SHLD2: variants seen among roughly 807,000 people sequenced by gnomAD.
SHLD2 encodes the protein RINN1-REV7-interacting novel NHEJ regulator 2.
A neutral mutation model predicts 73.2 loss-of-function variants in SHLD2; 30 were observed. The ratio of observed to expected loss-of-function variants is 0.41; its 90% CI spans 0.31 to 0.56. The LOEUF (loss-of-function observed/expected upper bound fraction) is 0.56. Among genes scored for constraint, SHLD2 ranks in the 20% least tolerant of loss-of-function variants. SHLD2 has a pLI of 0.28. For missense variants in SHLD2, 745 were observed against 1,055.9 expected (o/e 0.71, Z 4.08); for synonymous variants, 285 against 370.1 (o/e 0.77, Z 2.64).
intron 2 of SHLD2, among the ~76,000 whole-genome samples, chr10:87,139,033 G>T (rs1402706661): frequency 6.6e-6 from 1 of 152,244 alleles, no homozygotes; most frequent in Non-Finnish European, 1.5e-5. Flanking sequence ...GAGAATCTTT[G>T]ATTGGACACT....
chr10:87,106,162 GCTGA>G, intron 2 of SHLD2, among the ~76,000 whole-genome samples: 1 of 152,054 alleles, frequency 6.6e-6, no homozygotes, highest in Non-Finnish European at 1.5e-5. Flanking sequence ...TGCTACCATG[GCTGA>G]CTAATTTTTT....
intron 8 of SHLD2, among the ~76,000 whole-genome samples, 174 bp from the exon 9 acceptor site, chr10:87,186,911 A>G (rs201516238): frequency 8.1e-5 from 12 of 147,304 alleles, no homozygotes; most frequent in East Asian, 7.9e-4. Context: ...GCTCTTGGGG[A>G]AAAAAAAAAA....
chr10:87,151,762 A>G lies in SHLD2; in HGVS notation c.408A>G (p.Glu136=), dbSNP rs762523029. The change falls in exon 3 of 10, where the codon GAA becomes GAG. Residue 136 remains glutamate (E), a synonymous_variant. Transcript: ENST00000298786. Reference sequence around the variant, plus strand: ...CAGTTCCGCATTTCACCGAAGAAGAAAAGTATCAAAAGCTTCTCAGTGAAA... The same window carrying G: ...CAGTTCCGCATTTCACCGAAGAAGAGAAGTATCAAAAGCTTCTCAGTGAAA... ...KSTVPHFTEE[E]KYQKLLSENK... 2.5e-6 allele frequency: 4 copies of G among 1,612,024 alleles called. No homozygotes were observed. The South Asian group carries it at 4.4e-5, about 18-fold the overall frequency.
chr10:87,184,090 A>C (rs1286992979), intron 8 of SHLD2, among the ~76,000 whole-genome samples: 1 of 151,924 alleles, frequency 6.6e-6, no homozygotes, highest in Non-Finnish European at 1.5e-5. Context: ...TCCTAACCAC[A>C]CTCAAATCTA....
At chr10:87,170,426 A>C (rs1203275015) in intron 4 of SHLD2, 52 bp from the exon 5 acceptor site, 15 of 1,233,318 alleles carry the variant, frequency 1.2e-5, no homozygotes, top group Non-Finnish European at 1.7e-5. Flanking sequence ...ATTTGTGAAG[A>C]AAAATATAAT....
intron 4 of SHLD2, among the ~76,000 whole-genome samples, chr10:87,165,032 G>GA (rs1451409674): frequency 2.0e-5 from 3 of 151,876 alleles, no homozygotes; most frequent in Non-Finnish European, 4.4e-5. Flanking sequence ...ACAAAAAATA[G>GA]AAAAATTAAC....
At chr10:87,162,839 A>G (rs1371006950) in intron 4 of SHLD2, among the ~76,000 whole-genome samples, 2 of 152,218 alleles carry the variant, frequency 1.3e-5, no homozygotes, top group Admixed American at 6.5e-5. Flanking sequence ...TGTTGGCGCA[A>G]CTGTGAGGTA....
intron 2 of SHLD2, among the ~76,000 whole-genome samples, chr10:87,109,953 C>G (rs566826048): frequency 1.3e-5 from 2 of 152,290 alleles, no homozygotes; most frequent in South Asian, 4.1e-4. Context: ...TATGTTACTA[C>G]ATTTTACAAA....
In SHLD2 at chr10:87,151,672, G is replaced by T; in HGVS notation, c.318G>T (p.Lys106Asn). The stretch of plus-strand genomic sequence containing the variant: ...AAACACAGAATATAGAATCCCAGAA[G>T]ATTCACTCCTCTAGACTGAGTGATA... ...VSETQNIESQKIHSSRLSDIT... is the reference protein window; with the variant it reads ...VSETQNIESQNIHSSRLSDIT... The change falls in exon 3 of 10, where the codon AAG becomes AAT. Residue 106 changes from lysine (K) to asparagine (N), a missense_variant. Coordinates refer to ENST00000298786, the MANE Select transcript of SHLD2 (RefSeq NM_001330112.2). 1 of 1,611,712 alleles carries T rather than the reference G, an allele frequency of 6.2e-7. No individual in the cohort carries two copies.
chr10:87,142,381 G>A (rs984915075), intron 2 of SHLD2, among the ~76,000 whole-genome samples: 4 of 152,232 alleles, frequency 2.6e-5, no homozygotes, highest in African/African-American at 9.6e-5. Flanking sequence ...CAGAGAGTCA[G>A]TGTGGTAGTT....
At chr10:87,188,631 T>C (rs1242718389) in intron 9 of SHLD2, among the ~76,000 whole-genome samples, 1 of 152,160 alleles carries the variant, frequency 6.6e-6, no homozygotes, top group Non-Finnish European at 1.5e-5. Context: ...TTGCAATTAA[T>C]TTATTAATAA....
rs2134334817 is a variant in SHLD2, at chr10:87,152,835, T to G, written c.1481T>G (p.Phe494Cys). The change falls in exon 3 of 10, where the codon TTT (phenylalanine) becomes TGT (cysteine). Residue 494 changes from phenylalanine (F) to cysteine (C), a missense_variant. By Grantham distance (205) the Phe-to-Cys change is radical (BLOSUM62 -2). Around this residue, in one of 5 missense-constraint regions of SHLD2, gnomAD observed 418 missense variants for 567.8 expected, o/e 0.74. Coordinates refer to ENST00000298786, the MANE Select transcript of SHLD2 (RefSeq NM_001330112.2). ...KKVFLWRTAA[F>C]WAFTVFLGDI... ...GTTTTTCTGTGGAGGACTGCAGCAT[T>G]TTGGGCATTTACAGTGTTTCTTGGA... 1.2e-6 allele frequency: 2 copies of G among 1,611,810 alleles called. No homozygotes were observed. The highest frequency in any genetic ancestry group is 4.5e-5 in the East Asian group (2 of 44,858).
At chr10:87,121,479 A>G (rs12356150) in intron 2 of SHLD2, among the ~76,000 whole-genome samples, 7,816 of 133,720 alleles carry the variant, frequency 0.058, 365 homozygotes, top group African/African-American at 0.15. Flanking sequence ...TGCTTAACCT[A>G]TCCATAAATA....
At position 87,190,470 on chromosome 10, in the gene SHLD2, T is replaced by C. The variant is rs1299486235; in HGVS notation, c.2516-14T>C. On this transcript the variant is annotated splice_polypyrimidine_tract_variant and intron_variant, in intron 9 of 9. Coordinates refer to ENST00000298786, the MANE Select transcript of SHLD2 (RefSeq NM_001330112.2). The stretch of plus-strand genomic sequence containing the variant: ...GCAGCGATCTTGGGAGCTCTGTGTT[T>C]TTGTCTTTTGCAGTTCCTTCCTCAG... The C allele has an allele frequency of 2.5e-6, 4 of 1,610,656 alleles. No individual in the cohort carries two copies. The highest frequency in any genetic ancestry group is 3.4e-6 in the Non-Finnish European group (4 of 1,178,750).
At chr10:87,122,747 A>G (rs887018680) in intron 2 of SHLD2, among the ~76,000 whole-genome samples, 2 of 152,162 alleles carry the variant, frequency 1.3e-5, no homozygotes, top group Non-Finnish European at 2.9e-5. Flanking sequence ...CAAGTTAACA[A>G]TAAGGTGTTT....
At chr10:87,103,171 C>A (rs928162227) in intron 2 of SHLD2, among the ~76,000 whole-genome samples, 7 of 151,992 alleles carry the variant, frequency 4.6e-5, no homozygotes, top group Admixed American at 1.3e-4. Flanking sequence ...GATCTCACCA[C>A]TGCACTCCAG....
intron 2 of SHLD2, among the ~76,000 whole-genome samples, chr10:87,118,897 T>G (rs991658391): frequency 6.6e-6 from 1 of 152,256 alleles, no homozygotes; most frequent in African/African-American, 2.4e-5. Context: ...GCTGTGGCCT[T>G]AGAAAACCTA....
intron 2 of SHLD2, among the ~76,000 whole-genome samples, chr10:87,116,500 C>CAAT (rs1408369128): frequency 6.6e-6 from 1 of 151,714 alleles, no homozygotes; most frequent in Non-Finnish European, 1.5e-5. Context: ...AATAAAGGAA[C>CAAT]AATAGATGGT....
intron 4 of SHLD2, among the ~76,000 whole-genome samples, chr10:87,163,546 A>G (rs1564606574): frequency 6.6e-6 from 1 of 151,938 alleles, no homozygotes; most frequent in South Asian, 2.1e-4. Flanking sequence ...ACTGGATTCT[A>G]TAAGGCTAAT....
Sources: allele counts gnomAD v4.1 joint callset (sites outside exome capture counted in the v4.1 genomes callset), GRCh38; gene constraint gnomAD v4.1.1; regional missense constraint gnomAD v4.1.1; transcripts MANE v1.5; gene names NCBI Gene and HGNC (gene_info 2026-07-23, HGNC 2026-07-21).